Variants in ANKRD11 observed in about 807,000 individuals in gnomAD.
ANKRD11 encodes ankyrin repeat domain-containing protein 11.
Under a neutral mutation model 195.7 loss-of-function variants are expected in ANKRD11, and 17 were observed. The observed-to-expected ratio is 0.09, with a 90% CI of 0.06 to 0.13. The LOEUF (loss-of-function observed/expected upper bound fraction) is 0.13. Ranked by LOEUF, ANKRD11 falls within the 10% of genes least tolerant of loss-of-function variation. ANKRD11 has a pLI of 1.00. For missense variants in ANKRD11, 3,735 were observed against 3,566.1 expected (o/e 1.05, Z -1.21); for synonymous variants, 1,953 against 1,528.1 (o/e 1.28, Z -6.49).
At chr16:89,487,922 C>T (rs902631021) in intron 1 of ANKRD11, among the ~76,000 whole-genome samples, 3 of 150,318 alleles carry the variant, frequency 2.0e-5, no homozygotes, top group African/African-American at 7.4e-5. Flanking sequence ...ATGGCAGCCG[C>T]TCGTCATCAA....
In ANKRD11 at chr16:89,393,321, T is replaced by A. The variant is rs567631016; in HGVS notation, c.-60+24963A>T. On this transcript the variant is annotated intron_variant, in intron 2 of 12. Coordinates refer to ENST00000301030, the MANE Select transcript of ANKRD11 (RefSeq NM_013275.6). Reference sequence around the variant, plus strand: ...TTTACTTTTTTTATTTTTATTTTTTTTTTTTTTGAGACGGAGGCTTGCTCT... The same window carrying A: ...TTTACTTTTTTTATTTTTATTTTTTATTTTTTTGAGACGGAGGCTTGCTCT... Among the ~76,000 whole-genome samples the A allele has an allele frequency of 9.3e-3, 1,406 of 150,418 alleles. 18 individuals carry two copies. Among genetic ancestry groups the A allele is most frequent in the African/African-American group, 0.032 (1,310 of 40,674 alleles).
At chr16:89,415,653 C>T (rs2042270351) in intron 2 of ANKRD11, among the ~76,000 whole-genome samples, 1 of 150,760 alleles carries the variant, frequency 6.6e-6, no homozygotes, top group African/African-American at 2.4e-5. Context: ...CACAGTGAAA[C>T]CCTATCTCTA....
At chr16:89,402,508 C>A (rs746368137) in intron 2 of ANKRD11, among the ~76,000 whole-genome samples, 1 of 151,822 alleles carries the variant, frequency 6.6e-6, no homozygotes, top group Non-Finnish European at 1.5e-5. Flanking sequence ...AGGGAGACCC[C>A]GCCTCTAGAA....
At chr16:89,361,114 C>G (rs950585532) in intron 2 of ANKRD11, among the ~76,000 whole-genome samples, 1 of 152,192 alleles carries the variant, frequency 6.6e-6, no homozygotes, top group African/African-American at 2.4e-5. Context: ...ACCTGTCAAC[C>G]CAATTACAGA....
intron 1 of ANKRD11, among the ~76,000 whole-genome samples, chr16:89,438,324 A>G (rs1218967324): frequency 6.7e-6 from 1 of 149,168 alleles, no homozygotes; most frequent in Non-Finnish European, 1.5e-5. Flanking sequence ...GATAGGGAAC[A>G]TTTTTTTTTT....
At chr16:89,329,313 C>A (rs2037922060) in intron 2 of ANKRD11, among the ~76,000 whole-genome samples, 1 of 152,164 alleles carries the variant, frequency 6.6e-6, no homozygotes. Context: ...ATGTTCCCGG[C>A]CACTGGGCGA....
rs529945424 is a variant in ANKRD11, at chr16:89,465,181, C to G, written c.-145+25064G>C. ...AGAGCTGTCAGAGAACATGCGGCCA[C>G]AAGGTCTAACTGGCCCTTGACAGAA... is the stretch of plus-strand genomic sequence containing the variant. On this transcript the variant is annotated intron_variant, in intron 1 of 12. Transcript: ENST00000301030. 3.2e-4 allele frequency among the ~76,000 whole-genome samples: 48 copies of G among 152,260 alleles called. 1 individual carries two copies. Among genetic ancestry groups the G allele is most frequent in the South Asian group, 2.3e-3 (11 of 4,822 alleles).
chr16:89,285,269 T>C lies in ANKRD11; in HGVS notation c.1273A>G (p.Lys425Glu). The change falls in exon 9 of 13, where the codon AAG becomes GAG. Residue 425 changes from lysine to glutamate, a missense_variant. Coordinates refer to ENST00000301030, the MANE Select transcript of ANKRD11 (RefSeq NM_013275.6). The surrounding 1 kb of genome is among the most constrained non-coding windows in gnomAD (Gnocchi z 5.6). ...DASVTVGTGE[K>E]LRLSAHTILP... ...ATCGTATGTGCCGAGAGTCTCAGCTTCTCTCCTGTCCCCACGGTGACACTC... is the reference window on the plus strand; with the variant it reads ...ATCGTATGTGCCGAGAGTCTCAGCTCCTCTCCTGTCCCCACGGTGACACTC... The C allele has an allele frequency of 6.2e-6, 10 of 1,613,852 alleles. No homozygotes were observed. The highest frequency in any genetic ancestry group is 7.6e-6 in the Non-Finnish European group (9 of 1,180,010).
chr16:89,414,269 A>G lies in ANKRD11; in HGVS notation c.-60+4015T>C, dbSNP rs149135107. 1.6e-4 allele frequency among the ~76,000 whole-genome samples: 25 copies of G among 152,308 alleles called. 1 individual carries two copies. In the East Asian group the frequency reaches 4.8e-3, roughly 29 times the overall value. ...CTGCCTTTGTTATCATTAACAAACC[A>G]CTTTCAAAACCCCCAATTTTTGGGA... On this transcript the variant is annotated intron_variant, in intron 2 of 12. Coordinates refer to ENST00000301030, the MANE Select transcript of ANKRD11 (RefSeq NM_013275.6).
intron 1 of ANKRD11, among the ~76,000 whole-genome samples, chr16:89,419,585 A>C (rs371727112): frequency 1.3e-5 from 2 of 152,178 alleles, no homozygotes; most frequent in Non-Finnish European, 2.9e-5. Context: ...GTCCCATCCA[A>C]ACATCAGGCT....
At chr16:89,324,720 T>C (rs1278464159) in intron 2 of ANKRD11, 4 of 324,684 alleles carry the variant, frequency 1.2e-5, no homozygotes, top group Non-Finnish European at 2.4e-5. Context: ...TTTGGGTTCT[T>C]GGACCTACAC....
intron 2 of ANKRD11, among the ~76,000 whole-genome samples, chr16:89,327,821 C>T (rs1279095006): frequency 1.3e-5 from 2 of 152,122 alleles, no homozygotes; most frequent in African/African-American, 4.8e-5. Context: ...ATCTTTAGGA[C>T]CTAGGGCCAA....
intron 2 of ANKRD11, among the ~76,000 whole-genome samples, chr16:89,329,403 A>C (rs1484570656): frequency 6.6e-6 from 1 of 152,238 alleles, no homozygotes; most frequent in Non-Finnish European, 1.5e-5. Context: ...AAAAAGGAAA[A>C]AAAAGGGAGA....
intron 3 of ANKRD11, among the ~76,000 whole-genome samples, chr16:89,313,008 C>A (rs1236556108): frequency 6.6e-6 from 1 of 152,192 alleles, no homozygotes; most frequent in African/African-American, 2.4e-5. Flanking sequence ...GGAGGGCTCA[C>A]ATGCTCAGTT....
rs1376399923 is a variant in ANKRD11 at position 89,290,270 on chromosome 16, GGGGGTAGGCTCAGGGCTCCAGCC to G, written c.601+332_601+354del. Among the ~76,000 whole-genome samples, 393 of 129,134 alleles carry G rather than the reference GGGGGTAGGCTCAGGGCTCCAGCC, an allele frequency of 3.0e-3. 49 individuals carry two copies. Among genetic ancestry groups the G allele is most frequent in the African/African-American group, 0.011 (364 of 34,450 alleles). The allele number at this position is 129,134 out of a possible 152,430, so 84.7% of individuals were successfully genotyped here. On this transcript the variant is annotated intron_variant, in intron 6 of 12. Coordinates refer to ENST00000301030, the MANE Select transcript of ANKRD11 (RefSeq NM_013275.6). ...CGGGGGGTAGGCTCAGGGCTCCAATGGGGGTAGGCTCAGGGCTCCAGCCGGGGGAGGCTCAGGGCTCCAATGGG... is the reference window on the plus strand; with the variant it reads ...CGGGGGGTAGGCTCAGGGCTCCAATGGGGGGAGGCTCAGGGCTCCAATGGG...
chr16:89,281,591 C>T lies in ANKRD11; in HGVS notation c.4951G>A (p.Asp1651Asn). The T allele has an allele frequency of 6.2e-7, 1 of 1,614,170 alleles. No homozygotes were observed. The highest frequency in any genetic ancestry group is 8.5e-7 in the Non-Finnish European group (1 of 1,180,034). ...GGAGTCGACTCTTTGAGCTTTTTGTCTTTAAATGGAGGGTCCAGCCCCGGC... is the reference window on the plus strand; with the variant it reads ...GGAGTCGACTCTTTGAGCTTTTTGTTTTTAAATGGAGGGTCCAGCCCCGGC... ...KPPGLDPPFK[D>N]KKLKESTPIP... The change falls in exon 9 of 13, where the codon GAC becomes AAC. Residue 1651 changes from aspartate (D) to asparagine (N), a missense_variant. Asp to Asn is a conservative substitution (Grantham distance 23, BLOSUM62 1). Transcript: ENST00000301030. This position sits in a 1 kb window ranked among gnomAD's most constrained non-coding sequence, Gnocchi z 5.5.
At position 89,288,739 on chromosome 16, in the gene ANKRD11, G is replaced by A. The variant is rs769047202; in HGVS notation, c.602-69C>T. The stretch of plus-strand genomic sequence containing the variant: ...CTTCCCTCCTGTCTCTGGAGGCAGC[G>A]CCCTGAGGATGTGCTACAGTGCGGG... On this transcript the variant is annotated intron_variant, in intron 6 of 12. Transcript: ENST00000301030. 259 of 1,608,246 alleles carry A rather than the reference G, an allele frequency of 1.6e-4. 1 individual carries two copies. The highest frequency in any genetic ancestry group is 2.1e-4 in the Non-Finnish European group (249 of 1,176,124).
chr16:89,368,480 G>C (rs4785663), intron 2 of ANKRD11, among the ~76,000 whole-genome samples: 2 of 147,092 alleles, frequency 1.4e-5, no homozygotes, highest in South Asian at 2.2e-4. Flanking sequence ...CTCGGCCTCC[G>C]AAGTGCTGGG....
At chr16:89,364,728 G>A (rs542055455) in intron 2 of ANKRD11, among the ~76,000 whole-genome samples, 1 of 152,220 alleles carries the variant, frequency 6.6e-6, no homozygotes, top group Non-Finnish European at 1.5e-5. Context: ...TGGGCCGCGG[G>A]CTGGACAAGC....
Sources: gnomAD v4.1 joint callset for allele counts (sites outside exome capture counted in the v4.1 genomes callset) on GRCh38, gnomAD v4.1.1 for gene constraint, Gnocchi (gnomAD v3.1) non-coding constraint, MANE v1.5 for transcripts, NCBI Gene and HGNC (gene_info 2026-07-23, HGNC 2026-07-21) for gene names.